The following NQO2 variants were observed in gnomAD, a reference collection of about 807,000 sequenced individuals.
NQO2 encodes N-ribosyldihydronicotinamide:quinone dehydrogenase 2.
In NQO2, 18 loss-of-function variants were observed where a neutral mutation model predicts 22.0. The ratio of observed to expected loss-of-function variants is 0.82; its 90% confidence interval spans 0.56 to 1.21. The LOEUF (loss-of-function observed/expected upper bound fraction) is 1.21. Among genes scored for constraint, NQO2 ranks in the 50% most tolerant of loss-of-function variants. The pLI, the probability that NQO2 is intolerant of heterozygous loss-of-function variation, is 0.00. For synonymous variants in NQO2, 106 were observed against 110.8 expected (o/e 0.96, Z 0.28); for missense variants, 267 against 286.9 (o/e 0.93, Z 0.50).
chr6:3,017,406 C>T (rs1190847751), intron 6 of NQO2, among the ~76,000 whole-genome samples: 1 of 152,146 alleles, frequency 6.6e-6, no homozygotes, highest in African/African-American at 2.4e-5. Context: ...GCCCTTGGAC[C>T]CTGGCAAGTG....
Position 3,019,438 on chromosome 6 carries a change from T to C in NQO2, c.520-41T>C, listed in dbSNP as rs759694042. 31 of 1,579,710 alleles carry C rather than the reference T, an allele frequency of 2.0e-5. No homozygotes were observed. The African/African-American group carries it at 3.9e-4, about 20-fold the overall frequency. On this transcript the variant is annotated intron_variant, in intron 6 of 6. Coordinates refer to ENST00000380455, the MANE Select transcript of NQO2 (RefSeq NM_000904.6). The stretch of plus-strand genomic sequence containing the variant: ...ATTTAACTGAATGGTATGTAACAGG[T>C]GTAGTTTCTAATGAGTTCTTTTCTT...
In NQO2 at chr6:3,006,704, T is replaced by C. The variant is rs1352400017; in HGVS notation, c.7+145T>C. 3 of 741,124 alleles carry C rather than the reference T, an allele frequency of 4.0e-6. No homozygotes were observed. The highest frequency in any genetic ancestry group is 6.3e-6 in the Non-Finnish European group (3 of 479,196). 45.9% of individuals were successfully genotyped at this position (741,124 alleles called of 1,614,324 possible). A position where few individuals can be genotyped will look rare whatever the true frequency, so the allele number is the denominator to read the frequency against. On this transcript the variant is annotated intron_variant, in intron 2 of 6. Transcript: ENST00000380455. This position sits in a 1 kb window ranked among gnomAD's most constrained non-coding sequence, Gnocchi z 4.0. ...TGGGAGTTAGACTCTTAATCAGAAA[T>C]TGGATACATTGTTGTAAAAAATCCA...
intron 4 of NQO2, among the ~76,000 whole-genome samples, chr6:3,014,475 C>T (rs1757256999): frequency 1.3e-5 from 2 of 152,140 alleles, no homozygotes. Flanking sequence ...TTCTCCTGTC[C>T]CCCTTGGGTC....
intron 3 of NQO2, 91 bp from the exon 4 acceptor site, chr6:3,012,453 G>A: frequency 6.5e-7 from 1 of 1,540,636 alleles, no homozygotes; most frequent in Middle Eastern, 1.7e-4. Context: ...ACTTGTCTGA[G>A]GAGTCCGGTA....
At chr6:3,008,229 C>A (rs1176094696) in intron 2 of NQO2, among the ~76,000 whole-genome samples, 1 of 151,890 alleles carries the variant, frequency 6.6e-6, no homozygotes, top group African/African-American at 2.4e-5. Context: ...ACCAGCTTGA[C>A]CAACATGGAG....
intron 1 of NQO2, chr6:3,000,446 G>T (rs1772921507): frequency 6.6e-6 from 1 of 152,238 alleles, no homozygotes; most frequent in South Asian, 2.1e-4. Flanking sequence ...TGAACCACTG[G>T]TTTGCGCTGC....
At chr6:3,016,799 G>C in intron 5 of NQO2, 85 bp from the exon 6 acceptor site, 2 of 1,558,576 alleles carry the variant, frequency 1.3e-6, no homozygotes, top group Admixed American at 3.7e-5. Context: ...CCTGCTGGCT[G>C]TGCTGAGCCC....
chr6:3,004,712 T>C (rs1756880880), intron 1 of NQO2: 2 of 910,010 alleles, frequency 2.2e-6, no homozygotes, highest in South Asian at 5.1e-5. Context: ...AAAGACACAC[T>C]GATAGGTTCA....
intron 5 of NQO2, 80 bp downstream of exon 5, chr6:3,015,723 C>A: frequency 4.4e-6 from 6 of 1,357,120 alleles, no homozygotes; most frequent in Non-Finnish European, 6.2e-6. Context: ...AGTTATATTT[C>A]TAGTTTCCTT....
At chr6:3,011,324 C>A (rs1757127256) in intron 3 of NQO2, among the ~76,000 whole-genome samples, 1 of 152,070 alleles carries the variant, frequency 6.6e-6, no homozygotes, top group Non-Finnish European at 1.5e-5. Flanking sequence ...CTGAAAAATT[C>A]ATTAGAGGCT....
chr6:3,010,001 G>C lies in NQO2; in HGVS notation c.8-24G>C, dbSNP rs11967495. On this transcript the variant is annotated intron_variant, in intron 2 of 6. Coordinates refer to ENST00000380455, the MANE Select transcript of NQO2 (RefSeq NM_000904.6). ...ACAGAGAGAGGTTGTTCTTCAAGAG[G>C]AACTGTTTCTTATCCTGATTTAGGT... The C allele has an allele frequency of 1.0e-3, 1,622 of 1,593,320 alleles. 11 individuals are homozygous for C. The African/African-American group carries it at 0.018, about 17-fold the overall frequency.
intron 2 of NQO2, among the ~76,000 whole-genome samples, chr6:3,008,130 T>A (rs2113443027): frequency 6.6e-6 from 1 of 152,336 alleles, no homozygotes; most frequent in East Asian, 1.9e-4. Flanking sequence ...AGTTTGGTAT[T>A]TCTGGGGCCA....
intron 1 of NQO2, among the ~76,000 whole-genome samples, chr6:3,004,875 G>GT: frequency 6.6e-6 from 1 of 152,032 alleles, no homozygotes; most frequent in Non-Finnish European, 1.5e-5. Flanking sequence ...TTGTTTGTTT[G>GT]TTTTTTGTGT....
chr6:3,001,605 T>G (rs1414618730), intron 1 of NQO2, among the ~76,000 whole-genome samples: 4 of 152,194 alleles, frequency 2.6e-5, no homozygotes, highest in African/African-American at 9.7e-5. Context: ...ATGGTTTAGC[T>G]GCCGCATGAA....
At position 3,006,237 on chromosome 6, in the gene NQO2, T is replaced by C; in HGVS notation, c.-85-231T>C. 1.4e-6 allele frequency: 1 copy of C among 712,488 alleles called. No homozygotes were observed. The highest frequency in any genetic ancestry group is 1.7e-6 in the Non-Finnish European group (1 of 580,884). 44.1% of individuals were successfully genotyped at this position (712,488 alleles called of 1,614,324 possible). Reference sequence around the variant, plus strand: ...CTGGGTCCTTTGCTGTATGACTGTCTGGATGGAAGGTTCAGAGTCCTCTCA... The same window carrying C: ...CTGGGTCCTTTGCTGTATGACTGTCCGGATGGAAGGTTCAGAGTCCTCTCA... On this transcript the variant is annotated intron_variant, in intron 1 of 6. Transcript: ENST00000380455. The surrounding 1 kb of genome is among the most constrained non-coding windows in gnomAD (Gnocchi z 4.0).
rs28383623 is a variant in NQO2 at position 3,010,064 on chromosome 6, A to G, written c.47A>G (p.Lys16Arg). The G allele has an allele frequency of 0.032, 52,165 of 1,613,998 alleles. 936 individuals are homozygous for G. The highest frequency in any genetic ancestry group is 0.054 in the African/African-American group (4,082 of 75,012). ...ATTGTCTATGCACACCAGGAACCCA[A>G]GTCTTTCAACGGATCCTTGAAGAAT... ...VLIVYAHQEP[K>R]SFNGSLKNVA... The change falls in exon 3 of 7, where the codon AAG becomes AGG. Residue 16 changes from lysine to arginine, a missense_variant. Transcript: ENST00000380455.
At chr6:3,000,848 TTTTC>T (rs1756666051) in intron 1 of NQO2, among the ~76,000 whole-genome samples, 1 of 144,486 alleles carries the variant, frequency 6.9e-6, no homozygotes, top group Non-Finnish European at 1.6e-5. Context: ...TCTTTTTCTT[TTTTC>T]TTTTTTTTTT....
At chr6:3,001,079 C>T (rs1428075773) in intron 1 of NQO2, among the ~76,000 whole-genome samples, 2 of 135,752 alleles carry the variant, frequency 1.5e-5, no homozygotes, top group Admixed American at 7.9e-5. Flanking sequence ...CATTCTTCTT[C>T]CTTTCTTTTT....
At chr6:3,018,286 A>C (rs1449817841) in intron 6 of NQO2, among the ~76,000 whole-genome samples, 1 of 152,170 alleles carries the variant, frequency 6.6e-6, no homozygotes. Context: ...GCAGTGGATC[A>C]CCTGAGGTCA....
Sources: gnomAD v4.1 joint callset for allele counts (sites outside exome capture counted in the v4.1 genomes callset) on GRCh38, gnomAD v4.1.1 for gene constraint, Gnocchi (gnomAD v3.1) non-coding constraint, MANE v1.5 for transcripts, NCBI Gene and HGNC (gene_info 2026-07-23, HGNC 2026-07-21) for gene names.